Variants in FHAD1 observed in about 807,000 individuals in gnomAD.
The protein encoded by FHAD1 is forkhead associated phosphopeptide binding domain 1.
FHAD1 carries 146 observed loss-of-function variants against 191.3 expected under a neutral mutation model. The observed-to-expected ratio is 0.76, with a 90% CI of 0.67 to 0.88. The LOEUF is 0.88. Among genes scored for constraint, FHAD1 ranks in the 40% least tolerant of loss-of-function variants. The pLI is 0.00. For synonymous variants in FHAD1, 616 were observed against 672.3 expected (o/e 0.92, Z 1.29); for missense variants, 1,635 against 1,785.8 (o/e 0.92, Z 1.52).
chr1:15,344,126 C>T (rs1687913318), intron 16 of FHAD1, among the ~76,000 whole-genome samples: 2 of 152,182 alleles, frequency 1.3e-5, no homozygotes, highest in Admixed American at 1.3e-4. Flanking sequence ...ACTCGAAGGT[C>T]GCCCTTCCTC....
At chr1:15,334,498 C>T (rs1683156406) in intron 14 of FHAD1, 1 of 152,246 alleles carries the variant, frequency 6.6e-6, no homozygotes. Context: ...GTACCACTGC[C>T]AAGGCTTGAA....
rs191722209 is a variant in FHAD1 at position 15,258,467 on chromosome 1, T to G, written c.93+6590T>G. ...AAGGCTGAATAGTGGCTGCTGCATG[T>G]CTGTCCTACATTTTGTTGATCCATT... On this transcript the variant is annotated intron_variant, in intron 2 of 33. Transcript: ENST00000688493. 1.4e-3 allele frequency among the ~76,000 whole-genome samples: 217 copies of G among 152,336 alleles called. 2 individuals are homozygous for G. The highest frequency in any genetic ancestry group is 1.1e-3 in the Non-Finnish European group (75 of 68,026).
chr1:15,324,344 GCCTACCCCTCTGGGACCC>G, intron 10 of FHAD1, 90 bp from the exon 11 acceptor site: 1 of 854,316 alleles, frequency 1.2e-6, no homozygotes, highest in Non-Finnish European at 1.9e-6. Flanking sequence ...CTGCAGCTGT[GCCTACCCCTCTGGGACCC>G]CCCACGGCCA....
chr1:15,347,901 C>T lies in FHAD1; in HGVS notation c.2347-1141C>T, dbSNP rs370351326. ...AAGCACAGCAACTGAGCATGTAGGG[C>T]CTGTGTGTGAGCCAGGCAAGGCCTC... On this transcript the variant is annotated intron_variant, in intron 18 of 33. Transcript: ENST00000688493. 2.8e-4 allele frequency among the ~76,000 whole-genome samples: 43 copies of T among 152,308 alleles called. No homozygotes were observed. In the South Asian group the frequency reaches 8.1e-3, roughly 29 times the overall value.
At position 15,289,777 on chromosome 1, in the gene FHAD1, A is replaced by G. The variant is rs1663889629; in HGVS notation, c.568+111A>G. 1 of 1,399,864 alleles carries G rather than the reference A, an allele frequency of 7.1e-7. No homozygotes were observed. The highest frequency in any genetic ancestry group is 1.5e-5 in the South Asian group (1 of 66,484). The allele number at this position is 1,399,864 out of a possible 1,614,324, so 86.7% of individuals were successfully genotyped here. On this transcript the variant is annotated intron_variant, in intron 4 of 33. Coordinates refer to ENST00000688493, the MANE Select transcript of FHAD1 (RefSeq NM_001391957.1). This position sits in a 1 kb window ranked among gnomAD's most constrained non-coding sequence, Gnocchi z 4.2. Reference sequence around the variant, plus strand: ...AAAAGTAGAACATATTCAATTGTAAAAAATGAAAATAAATTCAGGATAAGC... The same window carrying G: ...AAAAGTAGAACATATTCAATTGTAAGAAATGAAAATAAATTCAGGATAAGC...
At chr1:15,376,402 T>A (rs988281187) in intron 28 of FHAD1, among the ~76,000 whole-genome samples, 1 of 152,198 alleles carries the variant, frequency 6.6e-6, no homozygotes, top group Non-Finnish European at 1.5e-5. Context: ...TCACGGGTGA[T>A]ATTCTGCAGA....
chr1:15,322,792 G>C (rs1208258360), intron 10 of FHAD1, among the ~76,000 whole-genome samples: 2 of 152,226 alleles, frequency 1.3e-5, no homozygotes, highest in African/African-American at 4.8e-5. Flanking sequence ...GCAAGGAGGC[G>C]TCACGGCCAA....
intron 1 of FHAD1, 64 bp from the exon 2 acceptor site, chr1:15,251,707 G>A: frequency 8.1e-7 from 1 of 1,227,710 alleles, no homozygotes; most frequent in Non-Finnish European, 1.1e-6. Context: ...TTTTAAGTAT[G>A]ATGTTGTTGA....
At chr1:15,271,018 A>G (rs529251281) in intron 2 of FHAD1, among the ~76,000 whole-genome samples, 5 of 152,024 alleles carry the variant, frequency 3.3e-5, no homozygotes, top group African/African-American at 1.2e-4. Flanking sequence ...AGGCGCCTGT[A>G]GTCCCAGCTA....
At position 15,345,405 on chromosome 1, in the gene FHAD1, C is replaced by T. The variant is rs895117564; in HGVS notation, c.2239-11C>T. On this transcript the variant is annotated splice_polypyrimidine_tract_variant and intron_variant, in intron 17 of 33. Coordinates refer to ENST00000688493, the MANE Select transcript of FHAD1 (RefSeq NM_001391957.1). ...GTAACCATGTCTATTGAACAATGAT[C>T]GTTGACTCAGGCTTTGGCGAAAAGC... 1.9e-6 allele frequency: 3 copies of T among 1,550,134 alleles called. No homozygotes were observed. The highest frequency in any genetic ancestry group is 2.6e-6 in the Non-Finnish European group (3 of 1,145,156).
chr1:15,290,977 G>A (rs552846603), intron 4 of FHAD1, among the ~76,000 whole-genome samples: 1 of 152,078 alleles, frequency 6.6e-6, no homozygotes, highest in East Asian at 1.9e-4. Flanking sequence ...GCCTCCCAAA[G>A]TGCTGGGATT....
chr1:15,327,370 C>A lies in FHAD1; in HGVS notation c.1557+228C>A. The A allele has an allele frequency of 2.0e-6, 1 of 495,340 alleles. No individual in the cohort carries two copies. Among genetic ancestry groups the A allele is most frequent in the Non-Finnish European group, 3.6e-6 (1 of 279,860 alleles). 30.7% of individuals were successfully genotyped at this position (495,340 alleles called of 1,614,324 possible). ...ATGTGTCTGTGAAAATCAAATTAAA[C>A]CATTCGGGCTTACTTCTGGTCTCCA... is the stretch of plus-strand genomic sequence containing the variant. On this transcript the variant is annotated intron_variant, in intron 12 of 33. Transcript: ENST00000688493. The surrounding 1 kb of genome is among the most constrained non-coding windows in gnomAD (Gnocchi z 5.1).
At chr1:15,263,548 G>A (rs1402672838) in intron 2 of FHAD1, among the ~76,000 whole-genome samples, 4 of 125,570 alleles carry the variant, frequency 3.2e-5, no homozygotes, top group East Asian at 4.5e-4. Flanking sequence ...CTGAGACAGC[G>A]TCTCGCTCTG....
In FHAD1 at chr1:15,373,293, G is replaced by A. The variant is rs368932459; in HGVS notation, c.3448-1209G>A. 3.0e-4 allele frequency among the ~76,000 whole-genome samples: 45 copies of A among 149,592 alleles called. No homozygotes were observed. In the East Asian group the frequency reaches 3.3e-3, roughly 11 times the overall value. Reference sequence around the variant, plus strand: ...TGGGAGGCCGAGGGAGGCGGATCACGAGGTCAGGAGTTCGAGACCAGCCTG... The same window carrying A: ...TGGGAGGCCGAGGGAGGCGGATCACAAGGTCAGGAGTTCGAGACCAGCCTG... On this transcript the variant is annotated intron_variant, in intron 26 of 33. Transcript: ENST00000688493.
In FHAD1 at chr1:15,329,131, G is replaced by A. The variant is rs554197332; in HGVS notation, c.1711-215G>A. ...GTTTCATAGACCTAAAAGGGGGTTCGCTTTGACCATCAAAAGTCCAAATTA... is the reference window on the plus strand; with the variant it reads ...GTTTCATAGACCTAAAAGGGGGTTCACTTTGACCATCAAAAGTCCAAATTA... On this transcript the variant is annotated intron_variant, in intron 13 of 33. Coordinates refer to ENST00000688493, the MANE Select transcript of FHAD1 (RefSeq NM_001391957.1). This position sits in a 1 kb window ranked among gnomAD's most constrained non-coding sequence, Gnocchi z 5.0. 10 of 425,610 alleles carry A rather than the reference G, an allele frequency of 2.3e-5. No individual in the cohort carries two copies. Among genetic ancestry groups the A allele is most frequent in the East Asian group, 3.4e-5 (1 of 29,066 alleles). The allele number at this position is 425,610 out of a possible 1,614,324, so 26.4% of individuals were successfully genotyped here.
chr1:15,295,123 G>C (rs568888346), intron 4 of FHAD1, among the ~76,000 whole-genome samples: 1 of 152,270 alleles, frequency 6.6e-6, no homozygotes, highest in African/African-American at 2.4e-5. Context: ...ATGGTTATGA[G>C]TACAGGCTCT....
intron 15 of FHAD1, 44 bp from the exon 16 acceptor site, chr1:15,341,692 G>A (rs1686743870): frequency 6.7e-7 from 1 of 1,503,046 alleles, no homozygotes; most frequent in South Asian, 1.3e-5. Context: ...TCTTTAGTTA[G>A]GCCTGTCCCC....
chr1:15,360,679 G>A lies in FHAD1; in HGVS notation c.2938G>A (p.Ala980Thr). Residue 980 changes from alanine to threonine, a missense_variant, in exon 22 of 34, where the codon GCA (alanine) becomes ACA (threonine). By Grantham distance (58) the Ala-to-Thr change is moderately conservative. Coordinates refer to ENST00000688493, the MANE Select transcript of FHAD1 (RefSeq NM_001391957.1). ...QHHKKIEGEI[A>T]TLKDNDPAPK... The stretch of plus-strand genomic sequence containing the variant: ...CCATAAAAAAATAGAAGGCGAGATT[G>A]CAACATTGAAGGACAATGACCCAGG... 1 of 1,551,712 alleles carries A rather than the reference G, an allele frequency of 6.4e-7. No homozygotes were observed.
In FHAD1 at chr1:15,329,623, G is replaced by A; in HGVS notation, c.1906+82G>A. On this transcript the variant is annotated intron_variant, in intron 14 of 33. Coordinates refer to ENST00000688493, the MANE Select transcript of FHAD1 (RefSeq NM_001391957.1). This position sits in a 1 kb window ranked among gnomAD's most constrained non-coding sequence, Gnocchi z 5.0. ...CTCAGCATGATGGGACATCTGTTGA[G>A]GAAGTCTTCCTGGGTATCTGGCCAA... 2 of 1,345,842 alleles carry A rather than the reference G, an allele frequency of 1.5e-6. No individual in the cohort carries two copies. Among genetic ancestry groups the A allele is most frequent in the Non-Finnish European group, 2.1e-6 (2 of 966,176 alleles). 83.4% of individuals were successfully genotyped at this position (1,345,842 alleles called of 1,614,324 possible). A position where few individuals can be genotyped will look rare whatever the true frequency, so the allele number is the denominator to read the frequency against.
Sources: gnomAD v4.1 joint callset for allele counts (sites outside exome capture counted in the v4.1 genomes callset) on GRCh38, gnomAD v4.1.1 for gene constraint, Gnocchi (gnomAD v3.1) non-coding constraint, MANE v1.5 for transcripts, NCBI Gene and HGNC (gene_info 2026-07-23, HGNC 2026-07-21) for gene names.